Variants in PCOLCE2 observed in about 807,000 individuals in gnomAD.
PCOLCE2 encodes the protein procollagen C-endopeptidase enhancer 2.
Under a neutral mutation model 47.0 loss-of-function variants are expected in PCOLCE2, and 42 were observed. The ratio of observed to expected loss-of-function variants is 0.89; its 90% CI spans 0.70 to 1.16. PCOLCE2 has a LOEUF of 1.16. PCOLCE2 is among the 50% of genes most tolerant of loss of function. The pLI is 0.00. For synonymous variants in PCOLCE2, 169 were observed against 191.7 expected, an observed-to-expected ratio of 0.88 and a Z score of 0.98; for missense variants, 500 against 526.1, an observed-to-expected ratio of 0.95 and a Z score of 0.49.
intron 5 of PCOLCE2, among the ~76,000 whole-genome samples, chr3:142,835,154 A>C (rs1233347945): frequency 6.6e-6 from 1 of 152,192 alleles, no homozygotes; most frequent in Non-Finnish European, 1.5e-5. Context: ...CAGTTAGTTA[A>C]TCTGTTAATT....
At chr3:142,883,879 A>C (rs1308095650) in intron 2 of PCOLCE2, among the ~76,000 whole-genome samples, 2 of 152,156 alleles carry the variant, frequency 1.3e-5, no homozygotes, top group Non-Finnish European at 2.9e-5. Context: ...TCTTTATGCC[A>C]GGGGTGCCTG....
intron 2 of PCOLCE2, among the ~76,000 whole-genome samples, chr3:142,876,700 G>A (rs756143935): frequency 6.6e-6 from 1 of 152,106 alleles, no homozygotes; most frequent in Non-Finnish European, 1.5e-5. Context: ...GAACTACTAG[G>A]AGCTTTCTGG....
chr3:142,880,906 G>A (rs1464949309), intron 2 of PCOLCE2, among the ~76,000 whole-genome samples: 3 of 152,154 alleles, frequency 2.0e-5, no homozygotes, highest in Non-Finnish European at 2.9e-5. Flanking sequence ...CTCTTTGCAC[G>A]AAGCAATAAT....
intron 7 of PCOLCE2, among the ~76,000 whole-genome samples, chr3:142,821,817 G>C (rs1937018935): frequency 6.6e-6 from 1 of 151,988 alleles, no homozygotes; most frequent in Admixed American, 6.6e-5. Flanking sequence ...CAGAAGGAAA[G>C]ATGTTGTCTT....
chr3:142,838,701 T>C, intron 5 of PCOLCE2, 69 bp downstream of exon 5: 1 of 1,374,020 alleles, frequency 7.3e-7, no homozygotes, highest in Non-Finnish European at 1.0e-6. Flanking sequence ...ACAAATGTGA[T>C]TGGGAAACTG....
chr3:142,877,866 A>G (rs990927975), intron 2 of PCOLCE2, among the ~76,000 whole-genome samples: 1 of 152,152 alleles, frequency 6.6e-6, no homozygotes, highest in Non-Finnish European at 1.5e-5. Context: ...TGATTTTTCA[A>G]TTATTGCTGT....
At chr3:142,835,299 T>A (rs1185042465) in intron 5 of PCOLCE2, among the ~76,000 whole-genome samples, 3 of 152,214 alleles carry the variant, frequency 2.0e-5, no homozygotes, top group African/African-American at 7.2e-5. Context: ...AATTATTACA[T>A]CTGCCTGATA....
intron 2 of PCOLCE2, among the ~76,000 whole-genome samples, chr3:142,877,654 A>T (rs1247394883): frequency 6.6e-6 from 1 of 152,150 alleles, no homozygotes; most frequent in Non-Finnish European, 1.5e-5. Flanking sequence ...TTAATCACAT[A>T]CCTAGTAAAT....
intron 6 of PCOLCE2, chr3:142,827,372 A>G (rs2108186340): frequency 6.5e-7 from 1 of 1,540,726 alleles, no homozygotes; most frequent in Non-Finnish European, 9.0e-7. Flanking sequence ...CACCACACCA[A>G]CCACAGCTCT....
intron 5 of PCOLCE2, among the ~76,000 whole-genome samples, chr3:142,832,673 T>C (rs1937164266): frequency 6.6e-6 from 1 of 152,166 alleles, no homozygotes; most frequent in Non-Finnish European, 1.5e-5. Context: ...CCAGTACTTT[T>C]CTTTGCAGTT....
chr3:142,858,491 C>T (rs1253348356), intron 2 of PCOLCE2, among the ~76,000 whole-genome samples: 1 of 152,206 alleles, frequency 6.6e-6, no homozygotes, highest in Non-Finnish European at 1.5e-5. Context: ...GCAACATACA[C>T]ACACACATGC....
chr3:142,867,975 G>A (rs1415452317), intron 2 of PCOLCE2, among the ~76,000 whole-genome samples: 1 of 152,164 alleles, frequency 6.6e-6, no homozygotes, highest in Non-Finnish European at 1.5e-5. Flanking sequence ...GAAGCAGAAT[G>A]TAAAACTCAG....
chr3:142,823,930 G>C (rs932501825), intron 6 of PCOLCE2, among the ~76,000 whole-genome samples: 1 of 152,170 alleles, frequency 6.6e-6, no homozygotes, highest in African/African-American at 2.4e-5. Flanking sequence ...CTGAGTGTGT[G>C]CCCTGTTTAG....
At chr3:142,887,557 A>G (rs928225853) in intron 2 of PCOLCE2, 112 bp downstream of exon 2, 11 of 651,658 alleles carry the variant, frequency 1.7e-5, no homozygotes, top group Non-Finnish European at 2.8e-5. Context: ...ACATTTCACT[A>G]TTTCAGGCAT....
chr3:142,868,141 G>A (rs1025470027), intron 2 of PCOLCE2, among the ~76,000 whole-genome samples: 1 of 152,098 alleles, frequency 6.6e-6, no homozygotes, highest in African/African-American at 2.4e-5. Flanking sequence ...TATGTGTCAG[G>A]TCACGACGTG....
At chr3:142,880,686 G>A (rs573646829) in intron 2 of PCOLCE2, among the ~76,000 whole-genome samples, 2 of 152,190 alleles carry the variant, frequency 1.3e-5, no homozygotes. Flanking sequence ...TCTGGAGGAT[G>A]GATTAAGTAT....
Position 142,888,946 on chromosome 3 carries a change from ACACGCCCCTCCGCACCCACCGCGCT to A in PCOLCE2, c.-75_-51del. On this transcript the variant is annotated 5_prime_UTR_variant, in exon 1 of 9. Transcript: ENST00000295992. ...CACCCCACGGCGCGCGCGCCGGCAC[ACACGCCCCTCCGCACCCACCGCGCT>A]CACACCGCCGCTCACACTGGCAGCA... The A allele has an allele frequency of 1.2e-6, 1 of 853,358 alleles. No individual in the cohort carries two copies. The highest frequency in any genetic ancestry group is 1.8e-5 in the African/African-American group (1 of 54,878). 52.9% of individuals were successfully genotyped at this position (853,358 alleles called of 1,614,324 possible). A position where few individuals can be genotyped will look rare whatever the true frequency, so the allele number is the denominator to read the frequency against.
intron 5 of PCOLCE2, among the ~76,000 whole-genome samples, chr3:142,833,346 CATTA>C (rs1223148644): frequency 6.6e-6 from 1 of 151,918 alleles, no homozygotes; most frequent in African/African-American, 2.4e-5. Flanking sequence ...TACCAGGCGA[CATTA>C]ATTGTTTTGT....
At chr3:142,819,564 T>C (rs1411315974) in intron 8 of PCOLCE2, among the ~76,000 whole-genome samples, 1 of 152,236 alleles carries the variant, frequency 6.6e-6, no homozygotes, top group South Asian at 2.1e-4. Context: ...GCCTTTGTGA[T>C]TCTCTCCAGA....
Sources: gnomAD v4.1 joint callset for allele counts (sites outside exome capture counted in the v4.1 genomes callset) on GRCh38, gnomAD v4.1.1 for gene constraint, MANE v1.5 for transcripts, NCBI Gene and HGNC (gene_info 2026-07-23, HGNC 2026-07-21) for gene names.